ZFPM1: variants seen among roughly 807,000 people sequenced by gnomAD.
ZFPM1 encodes zinc finger protein ZFPM1.
A neutral mutation model predicts 46.3 loss-of-function variants in ZFPM1; 28 were observed. The observed-to-expected ratio is 0.60, with a 90% CI of 0.45 to 0.83. The LOEUF is 0.83. ZFPM1 is among the 40% of genes least tolerant of loss of function. The probability of loss-of-function intolerance (pLI) is 0.00; values close to 1 mark genes in which losing one functional copy is unlikely to be tolerated. For synonymous variants in ZFPM1, 957 were observed against 675.9 expected, an observed-to-expected ratio of 1.42 and a Z score of -6.45; for missense variants, 1,878 against 1,432.4, an observed-to-expected ratio of 1.31 and a Z score of -5.02.
At chr16:88,478,458 A>G (rs1400719802) in intron 1 of ZFPM1, among the ~76,000 whole-genome samples, 1 of 152,204 alleles carries the variant, frequency 6.6e-6, no homozygotes, top group African/African-American at 2.4e-5. Flanking sequence ...CTGCGTCTAC[A>G]CAGCCGTTCC....
In ZFPM1 at chr16:88,528,042, C is replaced by G; in HGVS notation, c.516C>G (p.Leu172=). 1 of 1,546,728 alleles carries G rather than the reference C, an allele frequency of 6.5e-7. No individual in the cohort carries two copies. Among genetic ancestry groups the G allele is most frequent in the Non-Finnish European group, 8.7e-7 (1 of 1,143,506 alleles). Residue 172 remains leucine (L), a synonymous_variant, in exon 6 of 10, where the codon CTC becomes CTG. Transcript: ENST00000319555. The stretch of plus-strand genomic sequence containing the variant: ...CCTGTCTCCCTCCAGATGACGCACT[C>G]TGGTGCAGGGTCACCAAGCCGGTGC... ...NTEIHRKDDA[L]WCRVTKPVPA...
rs1408864504 is a variant in ZFPM1 at position 88,471,486 on chromosome 16, C to T, written c.41-14453C>T. Reference sequence around the variant, plus strand: ...CTCACAGTGGGGGATGCCAGGACCCCGAGACGACCATGCCCACAGTGGCTC... The same window carrying T: ...CTCACAGTGGGGGATGCCAGGACCCTGAGACGACCATGCCCACAGTGGCTC... On this transcript the variant is annotated intron_variant, in intron 1 of 9. Transcript: ENST00000319555. The surrounding 1 kb of genome is among the most constrained non-coding windows in gnomAD (Gnocchi z 4.1). Among the ~76,000 whole-genome samples the T allele has an allele frequency of 4.0e-5, 6 of 150,970 alleles. No homozygotes were observed. Among genetic ancestry groups the T allele is most frequent in the Non-Finnish European group, 7.4e-5 (5 of 68,016 alleles).
At position 88,534,954 on chromosome 16, in the gene ZFPM1, C is replaced by T. The variant is rs764733785; in HGVS notation, c.2996C>T (p.Ser999Leu). The T allele has an allele frequency of 5.3e-6, 8 of 1,506,108 alleles. No individual in the cohort carries two copies. The highest frequency in any genetic ancestry group is 7.1e-6 in the Non-Finnish European group (8 of 1,121,066). The allele number at this position is 1,506,108 out of a possible 1,614,324, so 93.3% of individuals were successfully genotyped here. The change falls in exon 10 of 10, where the codon TCG (serine) becomes TTG (leucine). Residue 999 changes from serine (S) to leucine (L), a missense_variant. Transcript: ENST00000319555. The stretch of plus-strand genomic sequence containing the variant: ...GCCCACAAGAAGTATTACTGCTCCT[C>T]GCACGCCGCCGAGCACGTGAAGTGA... ...FIAHKKYYCS[S>L]HAAEHVK
chr16:88,500,053 G>A (rs1251418803), intron 3 of ZFPM1, among the ~76,000 whole-genome samples: 1 of 152,218 alleles, frequency 6.6e-6, no homozygotes, highest in Non-Finnish European at 1.5e-5. Context: ...CTGTGGCCAG[G>A]GCAGCCTATC....
At chr16:88,493,404 A>G (rs1215784245) in intron 3 of ZFPM1, among the ~76,000 whole-genome samples, 716 of 18,166 alleles carry the variant, frequency 0.039, no homozygotes, top group Middle Eastern at 0.062. Context: ...AGGGTGCAGG[A>G]AGCTGTCCCG....
At chr16:88,470,046 T>C (rs1200533051) in intron 1 of ZFPM1, among the ~76,000 whole-genome samples, 1 of 152,006 alleles carries the variant, frequency 6.6e-6, no homozygotes, top group African/African-American at 2.4e-5. Flanking sequence ...CTGGATCTGC[T>C]CCCTGTGCCT....
At chr16:88,489,566 C>G (rs956799103) in intron 3 of ZFPM1, among the ~76,000 whole-genome samples, 1 of 152,212 alleles carries the variant, frequency 6.6e-6, no homozygotes, top group South Asian at 2.1e-4. Flanking sequence ...GGTGCCCAGG[C>G]AGGCGGTCAG....
At chr16:88,495,398 G>T (rs958390692) in intron 3 of ZFPM1, among the ~76,000 whole-genome samples, 4 of 152,270 alleles carry the variant, frequency 2.6e-5, no homozygotes, top group African/African-American at 9.6e-5. Context: ...ACTGGGCTCA[G>T]AGGAAAGCTT....
chr16:88,516,273 C>T (rs1241549524), intron 4 of ZFPM1: 1 of 398,434 alleles, frequency 2.5e-6, no homozygotes, highest in Non-Finnish European at 4.4e-6. Flanking sequence ...GAGTCATCCC[C>T]ACGGGCTGCC....
intron 4 of ZFPM1, among the ~76,000 whole-genome samples, chr16:88,524,175 C>G (rs923534436): frequency 4.6e-5 from 7 of 152,208 alleles, no homozygotes; most frequent in East Asian, 1.9e-4. Flanking sequence ...TTTCACCCTC[C>G]TCTGCTCATT....
chr16:88,508,224 G>T (rs1910764869), intron 3 of ZFPM1, among the ~76,000 whole-genome samples: 1 of 152,222 alleles, frequency 6.6e-6, no homozygotes, highest in Non-Finnish European at 1.5e-5. Flanking sequence ...TTGAACCCGG[G>T]AGGCGGAGGC....
chr16:88,491,084 A>AGTCAGGCGCTGGTGCCTTCGGGGGTCTCG (rs1909547093), intron 3 of ZFPM1, among the ~76,000 whole-genome samples: 1 of 149,298 alleles, frequency 6.7e-6, no homozygotes, highest in African/African-American at 2.5e-5. Flanking sequence ...CGCGGGTCCC[A>AGTCAGGCGCTGGTGCCTTCGGGGGTCTCG]GTCAGGCGCT....
chr16:88,486,787 G>A (rs1031574155), intron 2 of ZFPM1, among the ~76,000 whole-genome samples: 2 of 148,798 alleles, frequency 1.3e-5, no homozygotes, highest in African/African-American at 5.1e-5. Context: ...AGTGGGTGCT[G>A]GGTGCACAGT....
chr16:88,519,578 G>C (rs1347933427), intron 4 of ZFPM1, among the ~76,000 whole-genome samples: 1 of 149,952 alleles, frequency 6.7e-6, no homozygotes, highest in Non-Finnish European at 1.5e-5. Flanking sequence ...ATGGATGAAT[G>C]GGAGGGTGGG....
chr16:88,486,135 G>C, intron 2 of ZFPM1, 92 bp downstream of exon 2: 2 of 1,312,696 alleles, frequency 1.5e-6, no homozygotes, highest in Non-Finnish European at 2.1e-6. Flanking sequence ...GTGTCTGAGA[G>C]GTGTGGGCCA....
rs898657028 is a variant in ZFPM1, at chr16:88,535,768, T to C, written c.*789T>C. On this transcript the variant is annotated 3_prime_UTR_variant, in exon 10 of 10. Transcript: ENST00000319555. Reference sequence around the variant, plus strand: ...GAGTCACCTGTGGTGGCTGAGTCGGTGCAAGGGTCAGGGCACCCCCACCCC... The same window carrying C: ...GAGTCACCTGTGGTGGCTGAGTCGGCGCAAGGGTCAGGGCACCCCCACCCC... 1.3e-5 allele frequency: 2 copies of C among 152,662 alleles called. No homozygotes were observed. Among genetic ancestry groups the C allele is most frequent in the Non-Finnish European group, 2.9e-5 (2 of 68,478 alleles). 9.5% of individuals were successfully genotyped at this position (152,662 alleles called of 1,614,324 possible). A position where few individuals can be genotyped will look rare whatever the true frequency, so the allele number is the denominator to read the frequency against.
intron 1 of ZFPM1, among the ~76,000 whole-genome samples, chr16:88,472,542 C>T (rs1209511246): frequency 2.6e-5 from 4 of 151,936 alleles, no homozygotes; most frequent in Non-Finnish European, 4.4e-5. Flanking sequence ...TTAGTAGAGA[C>T]GGGGTTTCAC....
chr16:88,532,686 A>C lies in ZFPM1; in HGVS notation c.1019A>C (p.Lys340Thr). ...AAGGCCAACTGCGAGCGGCACCTCA[A>C]GGTGCACACGGACACGCTGAGCGGT... ...TTKANCERHL[K>T]VHTDTLSGVC... Residue 340 changes from lysine (K) to threonine (T), a missense_variant, in exon 8 of 10, where the codon AAG becomes ACG. Coordinates refer to ENST00000319555, the MANE Select transcript of ZFPM1 (RefSeq NM_153813.3). 2 of 1,609,454 alleles carry C rather than the reference A, an allele frequency of 1.2e-6. No individual in the cohort carries two copies. The highest frequency in any genetic ancestry group is 1.7e-6 in the Non-Finnish European group (2 of 1,178,230).
intron 1 of ZFPM1, among the ~76,000 whole-genome samples, chr16:88,468,046 A>C (rs1597231179): frequency 2.9e-5 from 1 of 34,860 alleles, no homozygotes; most frequent in African/African-American, 1.1e-4. Context: ...ACCGCCCCTC[A>C]CGCCCCCGCG....
Sources: allele counts gnomAD v4.1 joint callset (sites outside exome capture counted in the v4.1 genomes callset), GRCh38; gene constraint gnomAD v4.1.1; non-coding constraint Gnocchi (gnomAD v3.1); transcripts MANE v1.5; gene names NCBI Gene and HGNC (gene_info 2026-07-23, HGNC 2026-07-21).